The following NRG3 variants were observed in gnomAD, a reference collection of about 807,000 sequenced individuals.
The protein encoded by NRG3 is pro-neuregulin-3, membrane-bound isoform.
Under a neutral mutation model 66.9 loss-of-function variants are expected in NRG3, and 31 were observed. That is an observed-to-expected ratio of 0.46 (90% CI 0.35 to 0.63). The LOEUF (loss-of-function observed/expected upper bound fraction) is 0.63. Ranked by LOEUF, NRG3 falls within the 20% of genes least tolerant of loss-of-function variation. The pLI is 0.00. For missense variants in NRG3, 910 were observed against 878.9 expected, an observed-to-expected ratio of 1.04 and a Z score of -0.45; for synonymous variants, 393 against 359.4, an observed-to-expected ratio of 1.09 and a Z score of -1.06.
At chr10:82,238,090 C>G (rs2076841660) in intron 1 of NRG3, among the ~76,000 whole-genome samples, 1 of 152,112 alleles carries the variant, frequency 6.6e-6, no homozygotes, top group Non-Finnish European at 1.5e-5. Flanking sequence ...AATACTCTAG[C>G]TGCATATCTC....
At chr10:82,357,523 G>A (rs186987286) in intron 1 of NRG3, among the ~76,000 whole-genome samples, 1,770 of 152,232 alleles carry the variant, frequency 0.012, 21 homozygotes, top group South Asian at 0.031. Context: ...TAAGGTCAAG[G>A]GGCTGCATCT....
chr10:81,877,449 G>T (rs1841776068), intron 1 of NRG3, among the ~76,000 whole-genome samples: 1 of 152,182 alleles, frequency 6.6e-6, no homozygotes, highest in Non-Finnish European at 1.5e-5. Context: ...GATAAAGGAA[G>T]AGTGTTCATC....
At chr10:82,853,351 G>A (rs909904520) in intron 3 of NRG3, among the ~76,000 whole-genome samples, 1 of 152,082 alleles carries the variant, frequency 6.6e-6, no homozygotes, top group Admixed American at 6.6e-5. Flanking sequence ...ATTGTGATGG[G>A]AATTGCATTG....
intron 4 of NRG3, among the ~76,000 whole-genome samples, chr10:82,937,823 T>C (rs1848231131): frequency 6.6e-6 from 1 of 152,154 alleles, no homozygotes; most frequent in Non-Finnish European, 1.5e-5. Context: ...ATTCACTATG[T>C]ACAGAGAAAC....
chr10:82,141,423 G>A (rs1255749112), intron 1 of NRG3, among the ~76,000 whole-genome samples: 1 of 152,038 alleles, frequency 6.6e-6, no homozygotes, highest in East Asian at 1.9e-4. Flanking sequence ...AGAGATTCTG[G>A]CCCTTATGTA....
At chr10:82,488,005 G>A (rs1205025079) in intron 2 of NRG3, among the ~76,000 whole-genome samples, 1 of 152,140 alleles carries the variant, frequency 6.6e-6, no homozygotes, top group African/African-American at 2.4e-5. Context: ...TTGTATGTGT[G>A]CCAAATGTTT....
intron 2 of NRG3, among the ~76,000 whole-genome samples, chr10:82,380,657 AT>A (rs1159568880): frequency 6.6e-6 from 1 of 152,206 alleles, no homozygotes; most frequent in Admixed American, 6.5e-5. Context: ...GAAACAAATT[AT>A]CTTCATATAC....
chr10:82,980,218 A>C (rs890608937), intron 8 of NRG3, among the ~76,000 whole-genome samples: 3 of 152,120 alleles, frequency 2.0e-5, no homozygotes, highest in East Asian at 3.9e-4. Flanking sequence ...AAAGAAAAAA[A>C]AAAATACAAA....
chr10:82,153,681 C>T (rs1438540048), intron 1 of NRG3, among the ~76,000 whole-genome samples: 1 of 152,016 alleles, frequency 6.6e-6, no homozygotes, highest in East Asian at 1.9e-4. Context: ...TTTCTATCAA[C>T]AGTGTACAAG....
chr10:82,737,658 G>A (rs779698375), intron 2 of NRG3, among the ~76,000 whole-genome samples: 1 of 152,156 alleles, frequency 6.6e-6, no homozygotes, highest in Admixed American at 6.5e-5. Flanking sequence ...GAGCAGACCA[G>A]TAAATGCCAC....
chr10:82,294,218 T>A (rs2079915312), intron 1 of NRG3, among the ~76,000 whole-genome samples: 1 of 152,178 alleles, frequency 6.6e-6, no homozygotes, highest in South Asian at 2.1e-4. Context: ...CCCACTAAAC[T>A]CAGTTCATAT....
intron 1 of NRG3, among the ~76,000 whole-genome samples, chr10:82,049,685 G>A (rs1277556455): frequency 6.6e-6 from 1 of 151,990 alleles, no homozygotes; most frequent in Non-Finnish European, 1.5e-5. Flanking sequence ...TTTCAAAAGA[G>A]AGGGTCTATG....
rs111961380 is a variant in NRG3, at chr10:82,937,834, C to G, written c.1055-13635C>G. On this transcript the variant is annotated intron_variant, in intron 4 of 8. Transcript: ENST00000372141. ...TAAAATTCACTATGTACAGAGAAAC[C>G]ATTAGACCAAACTTAGAATCTGTAA... Among the ~76,000 whole-genome samples the G allele has an allele frequency of 2.4e-3, 361 of 152,148 alleles. 1 individual carries two copies. Among genetic ancestry groups the G allele is most frequent in the African/African-American group, 8.4e-3 (348 of 41,528 alleles).
At chr10:81,960,909 G>A (rs1164156894) in intron 1 of NRG3, among the ~76,000 whole-genome samples, 2 of 152,060 alleles carry the variant, frequency 1.3e-5, no homozygotes, top group Non-Finnish European at 2.9e-5. Flanking sequence ...CCACAGAGTT[G>A]CCTCCAAGCC....
rs2133941826 is a variant in NRG3, at chr10:82,658,272, C to G, written c.954-80305C>G. Among the ~76,000 whole-genome samples, 4 of 152,138 alleles carry G rather than the reference C, an allele frequency of 2.6e-5. No individual in the cohort carries two copies. The South Asian group carries it at 8.3e-4, about 32-fold the overall frequency. ...CATTTGAAAATTAATCATTGTAATT[C>G]AGTATATGTACTAACTATAATAAAA... On this transcript the variant is annotated intron_variant, in intron 2 of 8. Transcript: ENST00000372141.
At chr10:82,241,008 A>C (rs1191485735) in intron 1 of NRG3, among the ~76,000 whole-genome samples, 1 of 152,124 alleles carries the variant, frequency 6.6e-6, no homozygotes, top group Non-Finnish European at 1.5e-5. Context: ...GGTTCTTTTT[A>C]AGGGTACACA....
At chr10:82,344,150 T>C (rs1268589699) in intron 1 of NRG3, among the ~76,000 whole-genome samples, 2 of 150,512 alleles carry the variant, frequency 1.3e-5, no homozygotes, top group African/African-American at 5.0e-5. Flanking sequence ...GCCATGCTGG[T>C]GTGCTGCACC....
chr10:82,621,150 G>T lies in NRG3; in HGVS notation c.954-117427G>T, dbSNP rs117251336. ...TTCAATGTGTAAATTAAAAGAGTTG[G>T]AGTCTTGAAGGTTTGCGGAACTTGA... is the stretch of plus-strand genomic sequence containing the variant. On this transcript the variant is annotated intron_variant, in intron 2 of 8. Transcript: ENST00000372141. Among the ~76,000 whole-genome samples, 1,522 of 152,208 alleles carry T rather than the reference G, an allele frequency of 1.0e-2. 12 individuals carry two copies. Among genetic ancestry groups the T allele is most frequent in the Middle Eastern group, 0.048 (14 of 294 alleles).
intron 2 of NRG3, among the ~76,000 whole-genome samples, chr10:82,626,113 C>T (rs1201506442): frequency 1.3e-5 from 2 of 152,118 alleles, no homozygotes; most frequent in African/African-American, 4.8e-5. Context: ...CAGGGACCCT[C>T]ATCATTACCC....
Sources: allele counts gnomAD v4.1 joint callset (sites outside exome capture counted in the v4.1 genomes callset), GRCh38; gene constraint gnomAD v4.1.1; transcripts MANE v1.5; gene names NCBI Gene and HGNC (gene_info 2026-07-23, HGNC 2026-07-21).